SH3RF3: variants seen among roughly 807,000 people sequenced by gnomAD.
SH3RF3 encodes the protein SH3 domain containing ring finger 3.
SH3RF3 carries 29 observed loss-of-function variants against 66.3 expected under a neutral mutation model. That is an observed-to-expected ratio of 0.44 (90% CI 0.33 to 0.60). The LOEUF (loss-of-function observed/expected upper bound fraction) is 0.60, where lower values mean the gene tolerates loss of function less well. Ranked by LOEUF, SH3RF3 falls within the 20% of genes least tolerant of loss-of-function variation. SH3RF3 has a pLI of 0.04. For missense variants in SH3RF3, 1,194 were observed against 1,190.9 expected (o/e 1.00, Z -0.04); for synonymous variants, 583 against 532.0 (o/e 1.10, Z -1.32).
intron 3 of SH3RF3, among the ~76,000 whole-genome samples, chr2:109,383,999 C>A (rs1299388672): frequency 6.6e-6 from 1 of 152,216 alleles, no homozygotes; most frequent in Non-Finnish European, 1.5e-5. Flanking sequence ...TGGCCCCTCA[C>A]AAATGAAGGC....
At chr2:109,371,296 A>G (rs371076643) in intron 2 of SH3RF3, among the ~76,000 whole-genome samples, 5 of 152,358 alleles carry the variant, frequency 3.3e-5, no homozygotes, top group African/African-American at 9.6e-5. Context: ...AGGCTGAGGC[A>G]GGAGAATCGC....
intron 1 of SH3RF3, among the ~76,000 whole-genome samples, chr2:109,289,995 T>C (rs1176699143): frequency 1.3e-5 from 2 of 152,174 alleles, no homozygotes; most frequent in African/African-American, 2.4e-5. Flanking sequence ...AACAGACCAC[T>C]GGGGGGACCT....
intron 2 of SH3RF3, among the ~76,000 whole-genome samples, chr2:109,356,777 T>C (rs994777881): frequency 6.6e-6 from 1 of 152,170 alleles, no homozygotes; most frequent in Non-Finnish European, 1.5e-5. Context: ...ATGGGGTCCT[T>C]GGTGCAAATC....
chr2:109,434,418 G>A (rs1371862417), intron 6 of SH3RF3, among the ~76,000 whole-genome samples: 2 of 152,196 alleles, frequency 1.3e-5, no homozygotes, highest in Non-Finnish European at 2.9e-5. Flanking sequence ...GACCTTCAGA[G>A]ATGTAAAGCC....
At chr2:109,244,254 C>T (rs886750452) in intron 1 of SH3RF3, among the ~76,000 whole-genome samples, 1 of 152,124 alleles carries the variant, frequency 6.6e-6, no homozygotes, top group Non-Finnish European at 1.5e-5. Context: ...ATTTAAGAAG[C>T]ACACAGGAGG....
intron 1 of SH3RF3, among the ~76,000 whole-genome samples, chr2:109,205,234 T>TA (rs916482705): frequency 3.4e-5 from 5 of 146,970 alleles, no homozygotes; most frequent in Admixed American, 6.8e-5. Context: ...TAAAATAAGA[T>TA]AAAAAAAATT....
At chr2:109,483,448 C>T (rs1197553924) in intron 8 of SH3RF3, among the ~76,000 whole-genome samples, 1 of 152,198 alleles carries the variant, frequency 6.6e-6, no homozygotes, top group Admixed American at 6.5e-5. Flanking sequence ...AAGGTGCTCC[C>T]TTCTCTGAGC....
chr2:109,262,339 G>A (rs1166906485), intron 1 of SH3RF3, among the ~76,000 whole-genome samples: 1 of 152,166 alleles, frequency 6.6e-6, no homozygotes, highest in Non-Finnish European at 1.5e-5. Context: ...CCAGGAGGGT[G>A]GTGCTTTCAC....
chr2:109,478,679 G>A (rs7369864), intron 8 of SH3RF3, among the ~76,000 whole-genome samples: 92,525 of 151,982 alleles, frequency 0.61, 28,389 homozygotes, highest in African/African-American at 0.66. Flanking sequence ...TCAAAAATAC[G>A]GTGTGGTGGG....
intron 1 of SH3RF3, among the ~76,000 whole-genome samples, chr2:109,215,278 G>A (rs1157559760): frequency 6.6e-6 from 1 of 152,132 alleles, no homozygotes; most frequent in African/African-American, 2.4e-5. Context: ...GGCCACTTTG[G>A]GTCATGGGTA....
intron 1 of SH3RF3, among the ~76,000 whole-genome samples, chr2:109,166,055 C>T (rs1677614109): frequency 6.6e-6 from 1 of 152,196 alleles, no homozygotes; most frequent in South Asian, 2.1e-4. Flanking sequence ...TGGTGAGCCT[C>T]ACTGGAGAGC....
intron 1 of SH3RF3, among the ~76,000 whole-genome samples, chr2:109,171,360 A>C (rs1188317307): frequency 6.6e-6 from 1 of 152,252 alleles, no homozygotes; most frequent in Non-Finnish European, 1.5e-5. Flanking sequence ...ATCTCTATAC[A>C]AAATGATGGC....
intron 3 of SH3RF3, among the ~76,000 whole-genome samples, chr2:109,391,743 G>A (rs1676003268): frequency 6.6e-6 from 1 of 152,182 alleles, no homozygotes; most frequent in South Asian, 2.1e-4. Context: ...GGAACAGAAC[G>A]GCCACCAACC....
intron 1 of SH3RF3, among the ~76,000 whole-genome samples, chr2:109,187,888 G>A (rs1244126961): frequency 2.6e-5 from 4 of 152,268 alleles, no homozygotes; most frequent in Admixed American, 6.5e-5. Context: ...CGCCGTCACC[G>A]TGGGTGTTAA....
At chr2:109,393,714 C>G (rs1676063936) in intron 3 of SH3RF3, among the ~76,000 whole-genome samples, 2 of 151,964 alleles carry the variant, frequency 1.3e-5, no homozygotes, top group Admixed American at 6.5e-5. Flanking sequence ...TCGCTCAGTG[C>G]TGAGGTTGCT....
chr2:109,226,673 G>C (rs924000765), intron 1 of SH3RF3, among the ~76,000 whole-genome samples: 7 of 152,164 alleles, frequency 4.6e-5, no homozygotes, highest in Non-Finnish European at 7.3e-5. Flanking sequence ...CCATGCATCT[G>C]CTCCCTTTGT....
At chr2:109,177,844 G>C (rs1321804761) in intron 1 of SH3RF3, among the ~76,000 whole-genome samples, 9 of 152,218 alleles carry the variant, frequency 5.9e-5, no homozygotes, top group Non-Finnish European at 1.3e-4. Flanking sequence ...CTGCCAGATG[G>C]CTTGTAGGTC....
At chr2:109,496,447 G>A (rs745638074) in intron 9 of SH3RF3, among the ~76,000 whole-genome samples, 2 of 152,152 alleles carry the variant, frequency 1.3e-5, no homozygotes, top group African/African-American at 2.4e-5. Context: ...GTCCCCACTC[G>A]ACCCAGGAAG....
chr2:109,159,336 T>C (rs920236655), intron 1 of SH3RF3, among the ~76,000 whole-genome samples: 21 of 152,228 alleles, frequency 1.4e-4, no homozygotes, highest in African/African-American at 5.1e-4. Flanking sequence ...GAGAGGGTGC[T>C]GCCTGCCCTG....
Sources: allele counts gnomAD v4.1 joint callset (sites outside exome capture counted in the v4.1 genomes callset), GRCh38; gene constraint gnomAD v4.1.1; transcripts MANE v1.5; gene names NCBI Gene and HGNC (gene_info 2026-07-23, HGNC 2026-07-21).